ADARB2: variants seen among roughly 807,000 people sequenced by gnomAD.
ADARB2 encodes inactive double-stranded RNA-specific editase B2.
ADARB2 carries 25 observed loss-of-function variants against 62.2 expected under a neutral mutation model. That is an observed-to-expected ratio of 0.40 (90% CI 0.29 to 0.56). ADARB2 has a LOEUF of 0.56. ADARB2 is among the 20% of genes least tolerant of loss of function. ADARB2 has a pLI of 0.43. For synonymous variants in ADARB2, 572 were observed against 500.8 expected (o/e 1.14, Z -1.90); for missense variants, 1,071 against 1,077.4 (o/e 0.99, Z 0.08).
intron 7 of ADARB2, among the ~76,000 whole-genome samples, chr10:1,206,714 C>T (rs1054538421): frequency 2.0e-5 from 3 of 152,222 alleles, no homozygotes; most frequent in African/African-American, 7.2e-5. Context: ...CTCTGCGTCT[C>T]TGTATTGGGT....
At chr10:1,723,617 C>G (rs1469402587) in intron 1 of ADARB2, among the ~76,000 whole-genome samples, 1 of 152,168 alleles carries the variant, frequency 6.6e-6, no homozygotes, top group African/African-American at 2.4e-5. Context: ...GAAGTGAGAA[C>G]GGTCCGCTTG....
At chr10:1,714,108 C>A (rs776422092) in intron 1 of ADARB2, among the ~76,000 whole-genome samples, 2 of 152,164 alleles carry the variant, frequency 1.3e-5, no homozygotes, top group Non-Finnish European at 2.9e-5. Context: ...GTACTAAAAC[C>A]AACCAAACAA....
chr10:1,719,638 C>A lies in ADARB2; in HGVS notation c.100+17413G>T, dbSNP rs375511610. On this transcript the variant is annotated intron_variant, in intron 1 of 9. Coordinates refer to ENST00000381312, the MANE Select transcript of ADARB2 (RefSeq NM_018702.4). ...CCTACGGATTGGGAGAAAATATTTG[C>A]AAACCATGTATCTGACAAAGGTTCA... 5.9e-5 allele frequency among the ~76,000 whole-genome samples: 9 copies of A among 152,224 alleles called. No individual in the cohort carries two copies. The South Asian group carries it at 1.9e-3, about 32-fold the overall frequency.
intron 6 of ADARB2, among the ~76,000 whole-genome samples, chr10:1,218,591 A>C (rs371610644): frequency 2.4e-4 from 36 of 152,190 alleles, no homozygotes; most frequent in African/African-American, 8.2e-4. Flanking sequence ...CCGTGTCCCC[A>C]CTGAAATCCA....
chr10:1,266,818 CAA>C (rs997018732), intron 4 of ADARB2, among the ~76,000 whole-genome samples: 13 of 152,022 alleles, frequency 8.6e-5, no homozygotes, highest in African/African-American at 3.1e-4. Context: ...AGCTACAGAA[CAA>C]GAGGCTCCCT....
At chr10:1,379,218 G>A in intron 1 of ADARB2, 58 bp from the exon 2 acceptor site, 4 of 1,379,162 alleles carry the variant, frequency 2.9e-6, no homozygotes, top group Non-Finnish European at 4.1e-6. Context: ...AAAACTCAAT[G>A]CTTTTATAAG....
At chr10:1,608,844 G>C (rs1242389464) in intron 1 of ADARB2, among the ~76,000 whole-genome samples, 1 of 148,462 alleles carries the variant, frequency 6.7e-6, no homozygotes, top group Non-Finnish European at 1.5e-5. Context: ...AAGTCTGGGA[G>C]GGAGGGGAGA....
chr10:1,605,121 G>T (rs1232369641), intron 1 of ADARB2, among the ~76,000 whole-genome samples: 1 of 152,210 alleles, frequency 6.6e-6, no homozygotes, highest in Non-Finnish European at 1.5e-5. Context: ...AAGCCAGACC[G>T]AAAAAGCTGT....
At chr10:1,341,006 C>CAA in intron 3 of ADARB2, among the ~76,000 whole-genome samples, 1 of 150,408 alleles carries the variant, frequency 6.6e-6, no homozygotes, top group African/African-American at 2.5e-5. Context: ...ACCAGAGAAC[C>CAA]CTGTGCCCCA....
intron 3 of ADARB2, among the ~76,000 whole-genome samples, chr10:1,333,752 C>A (rs1831949284): frequency 6.6e-6 from 1 of 152,110 alleles, no homozygotes; most frequent in South Asian, 2.1e-4. Flanking sequence ...ATCTGTGGGG[C>A]CGATGGTGAG....
At chr10:1,275,569 C>T (rs1488509878) in intron 3 of ADARB2, among the ~76,000 whole-genome samples, 1 of 151,910 alleles carries the variant, frequency 6.6e-6, no homozygotes, top group African/African-American at 2.4e-5. Context: ...AGGTTAGTTA[C>T]ATATGTATAC....
At chr10:1,419,306 G>C (rs949925117) in intron 1 of ADARB2, among the ~76,000 whole-genome samples, 1 of 152,090 alleles carries the variant, frequency 6.6e-6, no homozygotes, top group Non-Finnish European at 1.5e-5. Context: ...ATGTTGATCA[G>C]GCTGGTCTCG....
intron 1 of ADARB2, among the ~76,000 whole-genome samples, chr10:1,409,475 G>C (rs1832737058): frequency 6.6e-6 from 1 of 151,542 alleles, no homozygotes; most frequent in South Asian, 2.1e-4. Context: ...GCTAAGGCCT[G>C]GCCGTGGTCA....
intron 1 of ADARB2, chr10:1,556,642 A>G (rs768219576): frequency 3.8e-6 from 2 of 532,144 alleles, no homozygotes; most frequent in African/African-American, 1.9e-5. Context: ...CTGTTCTCAC[A>G]TCACATTGCG....
chr10:1,199,867 A>G lies in ADARB2; in HGVS notation c.1864+99T>C, dbSNP rs1176506288. ...TTAAATCCTAAATTGCCACTAGCCA[A>G]CATGGATGAAGTCTGCGAGGGATGG... On this transcript the variant is annotated intron_variant, in intron 8 of 9. Transcript: ENST00000381312. 3.9e-6 allele frequency: 5 copies of G among 1,288,526 alleles called. No individual in the cohort carries two copies. In the African/African-American group the frequency reaches 7.4e-5, roughly 19 times the overall value. 79.8% of individuals were successfully genotyped at this position (1,288,526 alleles called of 1,614,324 possible).
chr10:1,690,947 C>T (rs896696175), intron 1 of ADARB2, among the ~76,000 whole-genome samples: 2 of 152,204 alleles, frequency 1.3e-5, no homozygotes, highest in Non-Finnish European at 2.9e-5. Flanking sequence ...GGCAGGTTTG[C>T]CCCTGCCTGC....
chr10:1,424,095 T>C (rs1832875271), intron 1 of ADARB2, among the ~76,000 whole-genome samples: 1 of 152,170 alleles, frequency 6.6e-6, no homozygotes, highest in Non-Finnish European at 1.5e-5. Flanking sequence ...AGGTCCACTG[T>C]GTATGCAGAA....
intron 1 of ADARB2, among the ~76,000 whole-genome samples, chr10:1,562,560 G>A (rs149368086): frequency 8.2e-4 from 125 of 152,302 alleles, no homozygotes; most frequent in African/African-American, 2.9e-3. Context: ...ATCTGTAATC[G>A]CTCATTTATC....
Position 1,465,937 on chromosome 10 carries a change from A to G in ADARB2, c.101-86777T>C, listed in dbSNP as rs188360510. ...TTGCAGAGGGTTCTTTCTCTGTTGC[A>G]ATAAACTGCTTTCTACTTCTGTGTG... On this transcript the variant is annotated intron_variant, in intron 1 of 9. Coordinates refer to ENST00000381312, the MANE Select transcript of ADARB2 (RefSeq NM_018702.4). Among the ~76,000 whole-genome samples the G allele has an allele frequency of 3.6e-4, 55 of 152,380 alleles. 1 individual carries two copies. The East Asian group carries it at 0.01, about 28-fold the overall frequency.
Sources: allele counts gnomAD v4.1 joint callset (sites outside exome capture counted in the v4.1 genomes callset), GRCh38; gene constraint gnomAD v4.1.1; transcripts MANE v1.5; gene names NCBI Gene and HGNC (gene_info 2026-07-23, HGNC 2026-07-21).